Variants in ALKBH1 observed in about 807,000 individuals in gnomAD.
ALKBH1 encodes the protein nucleic acid dioxygenase ALKBH1.
ALKBH1 carries 31 observed loss-of-function variants against 36.6 expected under a neutral mutation model. The ratio of observed to expected loss-of-function variants is 0.85; its 90% confidence interval spans 0.64 to 1.14. The LOEUF (loss-of-function observed/expected upper bound fraction) is 1.14. ALKBH1 is among the 50% of genes most tolerant of loss of function. The pLI is 0.00. For synonymous variants in ALKBH1, 183 were observed against 186.6 expected (o/e 0.98, Z 0.16); for missense variants, 490 against 497.3 (o/e 0.99, Z 0.14).
rs116816434 is a variant in ALKBH1, at chr14:77,703,384, C to T, written c.292+985G>A. ...TCTCGGCTCAACAAGCTCTGCCTCC[C>T]GGGATCATGCCATTCTCCCACCTCA... On this transcript the variant is annotated intron_variant, in intron 2 of 5. Transcript: ENST00000216489. 7.9e-3 allele frequency among the ~76,000 whole-genome samples: 1,199 copies of T among 151,766 alleles called. 10 individuals are homozygous for T. The highest frequency in any genetic ancestry group is 0.028 in the African/African-American group (1,154 of 41,392).
rs747276077 is a variant in ALKBH1 at position 77,675,834 on chromosome 14, G to A, written c.562C>T (p.His188Tyr). ...NWDSKKYSAD[H>Y]YTPFPSDLGF... is the part of the protein sequence containing the mutation. The stretch of plus-strand genomic sequence containing the variant: ...AGGTCAGAAGGGAAAGGTGTGTAAT[G>A]ATCTGCTGAGTATTTCTTTGGTAAA... Residue 188 changes from histidine (H) to tyrosine (Y), a missense_variant, in exon 5 of 6, where the codon CAT becomes TAT. His to Tyr is a moderately conservative substitution (Grantham distance 83). Coordinates refer to ENST00000216489, the MANE Select transcript of ALKBH1 (RefSeq NM_006020.3). 1.2e-6 allele frequency: 2 copies of A among 1,613,092 alleles called. No homozygotes were observed. The highest frequency in any genetic ancestry group is 1.3e-5 in the African/African-American group (1 of 75,000).
At chr14:77,678,787 C>G (rs2032745) in intron 4 of ALKBH1, among the ~76,000 whole-genome samples, 25,382 of 152,012 alleles carry the variant, frequency 0.17, 2,437 homozygotes, top group Non-Finnish European at 0.22. Context: ...TCTTTCCCAC[C>G]TCCCTCCTTC....
At chr14:77,691,181 C>A (rs994010376) in intron 3 of ALKBH1, among the ~76,000 whole-genome samples, 9 of 152,132 alleles carry the variant, frequency 5.9e-5, no homozygotes, top group South Asian at 2.1e-4. Context: ...AATTGAGGTA[C>A]TCTAATTTTT....
rs118099105 is a variant in ALKBH1 at position 77,700,454 on chromosome 14, C to T, written c.292+3915G>A. The stretch of plus-strand genomic sequence containing the variant: ...CTTTTGGCATCAAGGAAACCTCATA[C>T]AGACAAAGTTTACCAGTAATCTGAT... On this transcript the variant is annotated intron_variant, in intron 2 of 5. Coordinates refer to ENST00000216489, the MANE Select transcript of ALKBH1 (RefSeq NM_006020.3). 2.4e-3 allele frequency among the ~76,000 whole-genome samples: 365 copies of T among 152,294 alleles called. 2 individuals are homozygous for T. Among genetic ancestry groups the T allele is most frequent in the Non-Finnish European group, 4.2e-3 (287 of 68,028 alleles).
At chr14:77,696,320 C>T (rs2080326714) in intron 2 of ALKBH1, among the ~76,000 whole-genome samples, 1 of 152,100 alleles carries the variant, frequency 6.6e-6, no homozygotes, top group South Asian at 2.1e-4. Context: ...TCCCAAGTAG[C>T]TGTGATTACA....
At position 77,675,985 on chromosome 14, in the gene ALKBH1, ATTCTT is replaced by A. The variant is rs1336034966; in HGVS notation, c.547-141_547-137del. On this transcript the variant is annotated intron_variant, in intron 4 of 5. Coordinates refer to ENST00000216489, the MANE Select transcript of ALKBH1 (RefSeq NM_006020.3). ...CATATTAACACAGCATTATCTATCC[ATTCTT>A]TTCTTTTCTTTTTTTTTTTTTTTAA... The A allele has an allele frequency of 4.0e-5, 30 of 753,500 alleles. No individual in the cohort carries two copies. In the Middle Eastern group the frequency reaches 1.2e-3, roughly 30 times the overall value. 46.7% of individuals were successfully genotyped at this position (753,500 alleles called of 1,614,324 possible).
chr14:77,693,478 A>G (rs1408389163), intron 3 of ALKBH1, among the ~76,000 whole-genome samples: 3 of 152,252 alleles, frequency 2.0e-5, no homozygotes, highest in Admixed American at 6.5e-5. Context: ...GACACATAGC[A>G]GAAACTCAAT....
chr14:77,698,940 A>G (rs1354893611), intron 2 of ALKBH1, among the ~76,000 whole-genome samples: 1 of 151,932 alleles, frequency 6.6e-6, no homozygotes, highest in African/African-American at 2.4e-5. Flanking sequence ...TTTATTTTCT[A>G]TTTTTATTTT....
At chr14:77,699,994 G>A (rs571938594) in intron 2 of ALKBH1, among the ~76,000 whole-genome samples, 1 of 152,174 alleles carries the variant, frequency 6.6e-6, no homozygotes, top group African/African-American at 2.4e-5. Context: ...GGTGGAGCTT[G>A]CAGTGAGCAG....
intron 2 of ALKBH1, among the ~76,000 whole-genome samples, chr14:77,700,485 A>G (rs773464342): frequency 2.0e-5 from 3 of 152,204 alleles, no homozygotes; most frequent in Non-Finnish European, 2.9e-5. Context: ...CTGATTTTTC[A>G]TATGTCTTCT....
intron 4 of ALKBH1, 71 bp downstream of exon 4, chr14:77,679,809 G>C: frequency 8.7e-7 from 1 of 1,146,416 alleles, no homozygotes; most frequent in Non-Finnish European, 1.3e-6. Flanking sequence ...GCGTGGTTAG[G>C]AAGAAATACA....
At chr14:77,684,296 C>G (rs2080255534) in intron 3 of ALKBH1, among the ~76,000 whole-genome samples, 1 of 152,116 alleles carries the variant, frequency 6.6e-6, no homozygotes, top group African/African-American at 2.4e-5. Context: ...ACTATTCTAG[C>G]CCAAACTAAA....
At chr14:77,697,697 T>TAAAAAAAA (rs57516221) in intron 2 of ALKBH1, among the ~76,000 whole-genome samples, 1 of 104,902 alleles carries the variant, frequency 9.5e-6, no homozygotes, top group Non-Finnish European at 1.9e-5. Flanking sequence ...TTTGCTGTAA[T>TAAAAAAAA]AAAAAAAAAA....
chr14:77,696,649 T>G (rs1369757020), intron 2 of ALKBH1: 1 of 152,428 alleles, frequency 6.6e-6, no homozygotes, highest in Non-Finnish European at 1.5e-5. Flanking sequence ...GGGAGCTACC[T>G]GTGTAGCTGT....
chr14:77,674,269 C>T, intron 5 of ALKBH1, 28 bp from the exon 6 acceptor site: 1 of 1,515,498 alleles, frequency 6.6e-7, no homozygotes. Flanking sequence ...AAACACACAA[C>T]AATAAAAAAG....
At chr14:77,675,998 C>CT (rs374529582) in intron 4 of ALKBH1, 149 bp from the exon 5 acceptor site, 80,411 of 559,280 alleles carry the variant, frequency 0.14, 1,437 homozygotes, top group African/African-American at 0.22. Flanking sequence ...CTTTTCTTTT[C>CT]TTTTTTTTTT....
At chr14:77,702,321 T>TA (rs1381297350) in intron 2 of ALKBH1, among the ~76,000 whole-genome samples, 2 of 151,602 alleles carry the variant, frequency 1.3e-5, no homozygotes, top group African/African-American at 2.4e-5. Flanking sequence ...AATAAATAAA[T>TA]AAAAATAAGT....
At chr14:77,683,580 CTT>C in intron 3 of ALKBH1, 1 of 458,984 alleles carries the variant, frequency 2.2e-6, no homozygotes, top group Non-Finnish European at 4.1e-6. Flanking sequence ...CATCATCCTC[CTT>C]TTTTTTTGAG....
chr14:77,705,303 C>T (rs550345241), intron 1 of ALKBH1, among the ~76,000 whole-genome samples: 109 of 149,686 alleles, frequency 7.3e-4, no homozygotes, highest in African/African-American at 2.5e-3. Flanking sequence ...ATCCCAGCTA[C>T]GAGAGGCTGG....
Sources: allele counts gnomAD v4.1 joint callset (sites outside exome capture counted in the v4.1 genomes callset), GRCh38; gene constraint gnomAD v4.1.1; transcripts MANE v1.5; gene names NCBI Gene and HGNC (gene_info 2026-07-23, HGNC 2026-07-21).